Variants in AGMO observed in about 807,000 individuals in gnomAD.
The protein encoded by AGMO is glyceryl-ether monooxygenase.
AGMO carries 75 observed loss-of-function variants against 60.2 expected under a neutral mutation model. The ratio of observed to expected loss-of-function variants is 1.25; its 90% CI spans 1.03 to 1.51. The LOEUF is 1.51. Ranked by LOEUF, AGMO falls within the 40% of genes most tolerant of loss-of-function variation. The pLI is 0.00. For missense variants in AGMO, 763 were observed against 525.5 expected (o/e 1.45, Z -4.42); for synonymous variants, 261 against 177.1 (o/e 1.47, Z -3.76).
chr7:15,440,343 CATAT>C (rs1781519524), intron 3 of AGMO, among the ~76,000 whole-genome samples: 1 of 151,986 alleles, frequency 6.6e-6, no homozygotes, highest in African/African-American at 2.4e-5. Flanking sequence ...GAGTATTGCT[CATAT>C]ATATGTTTTG....
chr7:15,155,387 T>G, the AGMO span, among the ~76,000 whole-genome samples: 1 of 151,568 alleles, frequency 6.6e-6, no homozygotes, highest in African/African-American at 2.4e-5. Flanking sequence ...GTCTATTCTA[T>G]TATTAATGCT....
chr7:15,394,942 T>C (rs961479711), intron 5 of AGMO, among the ~76,000 whole-genome samples: 1 of 152,188 alleles, frequency 6.6e-6, no homozygotes, highest in Non-Finnish European at 1.5e-5. Flanking sequence ...TTTCTTAGAT[T>C]CCCCTAGTTC....
the AGMO span, among the ~76,000 whole-genome samples, chr7:15,150,375 T>G: frequency 2.6e-5 from 4 of 152,150 alleles, no homozygotes. Flanking sequence ...CATTCTTGTC[T>G]TATTCCTGTT....
intron 2 of AGMO, among the ~76,000 whole-genome samples, chr7:15,547,787 G>T (rs933285668): frequency 6.6e-6 from 1 of 151,894 alleles, no homozygotes; most frequent in Non-Finnish European, 1.5e-5. Flanking sequence ...AAAGCAGCCG[G>T]GAAGCTCCAA....
the AGMO span, among the ~76,000 whole-genome samples, chr7:15,149,563 T>C: frequency 6.6e-6 from 1 of 152,132 alleles, no homozygotes; most frequent in Admixed American, 6.6e-5. Flanking sequence ...GTTTATTGAC[T>C]AGGGAGTCTT....
chr7:15,143,541 A>G, the AGMO span, among the ~76,000 whole-genome samples: 2 of 152,212 alleles, frequency 1.3e-5, no homozygotes, highest in Non-Finnish European at 2.9e-5. Flanking sequence ...GGCATTTCAG[A>G]CAATAATAAG....
At chr7:15,402,228 A>T (rs1342730559) in intron 5 of AGMO, among the ~76,000 whole-genome samples, 1 of 152,058 alleles carries the variant, frequency 6.6e-6, no homozygotes, top group African/African-American at 2.4e-5. Context: ...CACCATAATT[A>T]CTTGGCTTTT....
chr7:15,193,608 C>A, the AGMO span, among the ~76,000 whole-genome samples: 3 of 152,092 alleles, frequency 2.0e-5, no homozygotes, highest in Non-Finnish European at 4.4e-5. Context: ...ATTTCAATAT[C>A]TCCCTGTTTG....
chr7:15,336,282 C>CA (rs1781657792), intron 12 of AGMO, among the ~76,000 whole-genome samples: 1 of 150,524 alleles, frequency 6.6e-6, no homozygotes, highest in East Asian at 1.9e-4. Context: ...AATGTATGTC[C>CA]ACCCAGTTCT....
the AGMO span, among the ~76,000 whole-genome samples, chr7:15,126,056 G>A: frequency 6.6e-6 from 1 of 152,046 alleles, no homozygotes; most frequent in Non-Finnish European, 1.5e-5. Flanking sequence ...AAGTACCACA[G>A]TCTACTCCAA....
intron 3 of AGMO, among the ~76,000 whole-genome samples, chr7:15,509,736 T>C (rs1783622262): frequency 6.6e-6 from 1 of 152,044 alleles, no homozygotes; most frequent in Non-Finnish European, 1.5e-5. Flanking sequence ...ATGACCTGAT[T>C]AAAAAATGGG....
At chr7:15,528,434 T>C (rs1379137804) in intron 3 of AGMO, among the ~76,000 whole-genome samples, 1 of 152,040 alleles carries the variant, frequency 6.6e-6, no homozygotes, top group African/African-American at 2.4e-5. Flanking sequence ...CATAATATTA[T>C]ATATTATACA....
chr7:15,317,927 GTATA>G lies in AGMO; in HGVS notation c.1263+47583_1263+47586del, dbSNP rs150303018. On this transcript the variant is annotated intron_variant, in intron 12 of 12. Coordinates refer to ENST00000342526, the MANE Select transcript of AGMO (RefSeq NM_001004320.2). The stretch of plus-strand genomic sequence containing the variant: ...CACACGTATATATATATACACACAC[GTATA>G]TATATATATACACACACACACACTA... 8.4e-4 allele frequency among the ~76,000 whole-genome samples: 107 copies of G among 126,746 alleles called. 1 individual carries two copies. The highest frequency in any genetic ancestry group is 3.0e-3 in the African/African-American group (92 of 30,628). 83.2% of individuals were successfully genotyped at this position (126,746 alleles called of 152,430 possible). A position where few individuals can be genotyped will look rare whatever the true frequency, so the allele number is the denominator to read the frequency against.
At chr7:15,170,662 T>C in the AGMO span, among the ~76,000 whole-genome samples, 3 of 152,166 alleles carry the variant, frequency 2.0e-5, no homozygotes, top group Non-Finnish European at 2.9e-5. Context: ...ATTAGCAGAG[T>C]ACAGTTGTCA....
In AGMO at chr7:15,439,587, C is replaced by T. The variant is rs181956534; in HGVS notation, c.410-8479G>A. 3.7e-3 allele frequency among the ~76,000 whole-genome samples: 568 copies of T among 152,262 alleles called. 2 individuals are homozygous for T. Among genetic ancestry groups the T allele is most frequent in the Non-Finnish European group, 5.9e-3 (400 of 68,020 alleles). On this transcript the variant is annotated intron_variant, in intron 3 of 12. Coordinates refer to ENST00000342526, the MANE Select transcript of AGMO (RefSeq NM_001004320.2). ...TCAGTAGTGGCTGCAAGTCCCATTT[C>T]CATTGTCCTCTTACAGTGCCCACTT...
intron 12 of AGMO, among the ~76,000 whole-genome samples, chr7:15,224,253 G>A (rs561397844): frequency 3.3e-5 from 5 of 152,060 alleles, no homozygotes; most frequent in African/African-American, 1.2e-4. Context: ...TTTCACCTCT[G>A]TTGCAGAATG....
chr7:15,502,456 T>C (rs1783411380), intron 3 of AGMO, among the ~76,000 whole-genome samples: 1 of 152,012 alleles, frequency 6.6e-6, no homozygotes, highest in African/African-American at 2.4e-5. Flanking sequence ...CTTAAAATTA[T>C]CAAAGCAGTG....
intron 12 of AGMO, among the ~76,000 whole-genome samples, chr7:15,212,969 T>C (rs1781637920): frequency 6.6e-6 from 1 of 151,992 alleles, no homozygotes; most frequent in African/African-American, 2.4e-5. Flanking sequence ...TGTGTTATTA[T>C]TGTCAGCATT....
chr7:15,196,647 G>A (rs1781123528), downstream of AGMO, among the ~76,000 whole-genome samples: 1 of 152,146 alleles, frequency 6.6e-6, no homozygotes, highest in Admixed American at 6.5e-5. Context: ...TAAATTCAGT[G>A]TTCCCAACAG....
Sources: gnomAD v4.1 joint callset for allele counts (sites outside exome capture counted in the v4.1 genomes callset) on GRCh38, gnomAD v4.1.1 for gene constraint, MANE v1.5 for transcripts, NCBI Gene and HGNC (gene_info 2026-07-23, HGNC 2026-07-21) for gene names.